The following CAMTA1 variants were observed in gnomAD, a reference collection of about 807,000 sequenced individuals.
The protein encoded by CAMTA1 is calmodulin-binding transcription activator 1.
In CAMTA1, 27 loss-of-function variants were observed where a neutral mutation model predicts 170.9. That is an observed-to-expected ratio of 0.16 (90% CI 0.12 to 0.22). CAMTA1 has a LOEUF of 0.22. CAMTA1 is among the 10% of genes least tolerant of loss of function. The probability of loss-of-function intolerance (pLI) is 1.00; values close to 1 mark genes in which losing one functional copy is unlikely to be tolerated. For synonymous variants in CAMTA1, 833 were observed against 891.5 expected (o/e 0.93, Z 1.17); for missense variants, 1,619 against 2,217.2 (o/e 0.73, Z 5.42).
intron 5 of CAMTA1, among the ~76,000 whole-genome samples, chr1:7,417,427 A>C (rs1409585877): frequency 6.6e-6 from 1 of 152,220 alleles, no homozygotes; most frequent in Non-Finnish European, 1.5e-5. Context: ...GGCTCCACCC[A>C]GTTCGAGCTT....
At chr1:7,211,773 T>G (rs1411523599) in intron 4 of CAMTA1, among the ~76,000 whole-genome samples, 3 of 152,190 alleles carry the variant, frequency 2.0e-5, no homozygotes, top group Non-Finnish European at 4.4e-5. Flanking sequence ...TTCTAGACAC[T>G]CTCTGCCTTA....
chr1:7,672,897 C>G (rs2096073154), intron 10 of CAMTA1, among the ~76,000 whole-genome samples: 1 of 152,176 alleles, frequency 6.6e-6, no homozygotes, highest in Non-Finnish European at 1.5e-5. Flanking sequence ...CTCCCAGCCC[C>G]CACCTGCCTG....
At position 7,203,057 on chromosome 1, in the gene CAMTA1, G is replaced by A. The variant is rs1373680530; in HGVS notation, c.303-46434G>A. Among the ~76,000 whole-genome samples, 11 of 152,136 alleles carry A rather than the reference G, an allele frequency of 7.2e-5. No homozygotes were observed. The South Asian group carries it at 2.3e-3, about 32-fold the overall frequency. On this transcript the variant is annotated intron_variant, in intron 4 of 22. Coordinates refer to ENST00000303635, the MANE Select transcript of CAMTA1 (RefSeq NM_015215.4). ...GTTGAGAAAGTTTTCTTCTAGTTGG[G>A]TGTTTAGGCATGAGGATTTAGTCAA...
At chr1:7,461,792 G>T (rs996386764) in intron 5 of CAMTA1, among the ~76,000 whole-genome samples, 1 of 152,224 alleles carries the variant, frequency 6.6e-6, no homozygotes. Context: ...GGGTCATTTT[G>T]TTCCTCCAGG....
At position 7,195,882 on chromosome 1, in the gene CAMTA1, G is replaced by A. The variant is rs1349879805; in HGVS notation, c.303-53609G>A. Among the ~76,000 whole-genome samples the A allele has an allele frequency of 1.3e-5, 2 of 152,170 alleles. No homozygotes were observed. The highest frequency in any genetic ancestry group is 2.4e-5 in the African/African-American group (1 of 41,442). ...AAGAATACAAAAATTAGCCAGGCAT[G>A]GTGGCACATGCCTGTAGTCCCAGCT... On this transcript the variant is annotated intron_variant, in intron 4 of 22. Transcript: ENST00000303635. The surrounding 1 kb of genome is among the most constrained non-coding windows in gnomAD (Gnocchi z 4.1).
chr1:7,083,621 G>A (rs561776721), intron 3 of CAMTA1, among the ~76,000 whole-genome samples: 3 of 152,308 alleles, frequency 2.0e-5, no homozygotes, highest in Admixed American at 1.3e-4. Flanking sequence ...GGAGAAAGCC[G>A]GTGGGGAAGA....
rs1646230750 is a variant in CAMTA1, at chr1:7,146,977, A to G, written c.302+55606A>G. ...ATTCAAACATATGCCGTGCACACAC[A>G]CAGAAAGTTACAGCACGCACACACG... On this transcript the variant is annotated intron_variant, in intron 4 of 22. Coordinates refer to ENST00000303635, the MANE Select transcript of CAMTA1 (RefSeq NM_015215.4). The surrounding 1 kb of genome is among the most constrained non-coding windows in gnomAD (Gnocchi z 4.3). Among the ~76,000 whole-genome samples, 1 of 151,796 alleles carries G rather than the reference A, an allele frequency of 6.6e-6. No individual in the cohort carries two copies. Among genetic ancestry groups the G allele is most frequent in the African/African-American group, 2.4e-5 (1 of 41,304 alleles).
chr1:7,116,879 C>T (rs1376901111), intron 4 of CAMTA1, among the ~76,000 whole-genome samples: 7 of 151,980 alleles, frequency 4.6e-5, no homozygotes, highest in East Asian at 1.9e-4. Context: ...GTCTCGATCT[C>T]CTGACCTCGT....
At chr1:7,103,970 C>T (rs985878885) in intron 4 of CAMTA1, among the ~76,000 whole-genome samples, 11 of 149,968 alleles carry the variant, frequency 7.3e-5, no homozygotes, top group Admixed American at 2.0e-4. Flanking sequence ...ACTACACACA[C>T]GCACACACAA....
intron 6 of CAMTA1, among the ~76,000 whole-genome samples, chr1:7,623,781 C>G (rs768111010): frequency 4.3e-4 from 66 of 152,186 alleles, no homozygotes; most frequent in Admixed American, 2.0e-3. Context: ...TACAGAAGCT[C>G]TTTTTCAACA....
chr1:7,676,941 CACA>C, intron 10 of CAMTA1, among the ~76,000 whole-genome samples: 1 of 152,254 alleles, frequency 6.6e-6, no homozygotes, highest in East Asian at 1.9e-4. Flanking sequence ...GTGTTGGGGC[CACA>C]GCAGTTAACG....
intron 3 of CAMTA1, among the ~76,000 whole-genome samples, chr1:6,920,492 G>C (rs901362668): frequency 6.6e-6 from 1 of 152,182 alleles, no homozygotes. Flanking sequence ...CCATTCTGGG[G>C]TGTGGAGGAT....
At chr1:6,979,044 CAGGCTG>C (rs2149630543) in intron 3 of CAMTA1, among the ~76,000 whole-genome samples, 1 of 152,290 alleles carries the variant, frequency 6.6e-6, no homozygotes, top group African/African-American at 2.4e-5. Context: ...ACAGAGGAGA[CAGGCTG>C]AGGTGAGGTT....
chr1:7,233,076 A>G (rs1028892998), intron 4 of CAMTA1, among the ~76,000 whole-genome samples: 14 of 152,100 alleles, frequency 9.2e-5, no homozygotes, highest in African/African-American at 2.9e-4. Context: ...TCCCACCAGA[A>G]TGTGAGAAGC....
intron 4 of CAMTA1, among the ~76,000 whole-genome samples, chr1:7,242,999 C>T (rs1665155507): frequency 6.6e-6 from 1 of 152,054 alleles, no homozygotes; most frequent in African/African-American, 2.4e-5. Context: ...AAAAACTTGA[C>T]TTCTTCTCCC....
intron 5 of CAMTA1, among the ~76,000 whole-genome samples, chr1:7,430,254 CTGA>C (rs1364105357): frequency 6.0e-5 from 9 of 150,822 alleles, no homozygotes; most frequent in African/African-American, 1.5e-4. Flanking sequence ...GAATCTGCTG[CTGA>C]TGATGATGGG....
At chr1:7,026,178 G>A (rs1252710837) in intron 3 of CAMTA1, among the ~76,000 whole-genome samples, 2 of 151,870 alleles carry the variant, frequency 1.3e-5, no homozygotes, top group Non-Finnish European at 2.9e-5. Flanking sequence ...GGCCCATGAA[G>A]GTGGAAGTGA....
intron 5 of CAMTA1, among the ~76,000 whole-genome samples, chr1:7,363,236 G>A (rs1557591836): frequency 6.6e-6 from 1 of 152,032 alleles, no homozygotes; most frequent in East Asian, 1.9e-4. Context: ...CATTTCACTG[G>A]GTGATTAATA....
chr1:7,205,258 C>T (rs576749794), intron 4 of CAMTA1, among the ~76,000 whole-genome samples: 166 of 152,236 alleles, frequency 1.1e-3, no homozygotes, highest in African/African-American at 3.8e-3. Context: ...CATGCGCCAC[C>T]ATGCCTGGCT....
Sources: allele counts gnomAD v4.1 joint callset (sites outside exome capture counted in the v4.1 genomes callset), GRCh38; gene constraint gnomAD v4.1.1; non-coding constraint Gnocchi (gnomAD v3.1); transcripts MANE v1.5; gene names NCBI Gene and HGNC (gene_info 2026-07-23, HGNC 2026-07-21).